The following MTBP variants were observed in gnomAD, a reference collection of about 807,000 sequenced individuals.
The protein encoded by MTBP is MDM2 binding protein, also known as mdm2-binding protein.
MTBP carries 101 observed loss-of-function variants against 117.0 expected under a neutral mutation model. The ratio of observed to expected loss-of-function variants is 0.86; its 90% CI spans 0.73 to 1.02. The LOEUF is 1.02. Among genes scored for constraint, MTBP ranks in the 50% least tolerant of loss-of-function variants. MTBP has a pLI of 0.00. For synonymous variants in MTBP, 350 were observed against 351.5 expected (o/e 1.00, Z 0.05); for missense variants, 970 against 1,030.9 (o/e 0.94, Z 0.81).
At chr8:120,520,918 AAAG>A (rs1217749969) in intron 20 of MTBP, among the ~76,000 whole-genome samples, 1 of 152,170 alleles carries the variant, frequency 6.6e-6, no homozygotes, top group Non-Finnish European at 1.5e-5. Context: ...AATATCTGAA[AAAG>A]AATTTATTTT....
At chr8:120,449,343 G>A (rs1297040798) in intron 2 of MTBP, among the ~76,000 whole-genome samples, 1 of 152,118 alleles carries the variant, frequency 6.6e-6, no homozygotes, top group Non-Finnish European at 1.5e-5. Context: ...GTTCAGTTTG[G>A]AACCTGTTAA....
intron 10 of MTBP, among the ~76,000 whole-genome samples, chr8:120,464,354 T>C (rs1389169889): frequency 6.6e-6 from 1 of 152,036 alleles, no homozygotes; most frequent in African/African-American, 2.4e-5. Context: ...AAATTCAGTT[T>C]CTAATAGGAA....
chr8:120,499,038 C>A (rs965507195), intron 14 of MTBP, among the ~76,000 whole-genome samples: 3 of 152,174 alleles, frequency 2.0e-5, no homozygotes, highest in Non-Finnish European at 2.9e-5. Flanking sequence ...ACACAATCTA[C>A]AGTCAGATTA....
Position 120,458,821 on chromosome 8 carries a change from A to T in MTBP, c.748-394A>T, listed in dbSNP as rs947685668. ...GCGCCACTGCACTCCAGCCTGGGCC[A>T]CAAGAGTGAAACTCCATCTCAAAGC... On this transcript the variant is annotated intron_variant, in intron 7 of 21. Coordinates refer to ENST00000305949, the MANE Select transcript of MTBP (RefSeq NM_022045.5). Among the ~76,000 whole-genome samples, 8 of 149,792 alleles carry T rather than the reference A, an allele frequency of 5.3e-5. 1 individual carries two copies. The highest frequency in any genetic ancestry group is 2.0e-4 in the African/African-American group (8 of 40,926).
chr8:120,459,885 C>T (rs181455759), intron 8 of MTBP, among the ~76,000 whole-genome samples: 69 of 152,138 alleles, frequency 4.5e-4, no homozygotes, highest in African/African-American at 1.6e-3. Context: ...AGTTCTTGCC[C>T]TGTATCTCCT....
At chr8:120,451,468 T>C in intron 4 of MTBP, 146 bp downstream of exon 4, 1 of 587,666 alleles carries the variant, frequency 1.7e-6, no homozygotes, top group South Asian at 2.8e-5. Flanking sequence ...ATTTGGGCCT[T>C]TTATTTGAAT....
chr8:120,474,778 T>A (rs994542934), intron 11 of MTBP, among the ~76,000 whole-genome samples: 1 of 151,976 alleles, frequency 6.6e-6, no homozygotes, highest in African/African-American at 2.4e-5. Flanking sequence ...TAGACTTGAG[T>A]CTTCCTCTAA....
intron 17 of MTBP, among the ~76,000 whole-genome samples, chr8:120,511,118 C>G (rs906508513): frequency 6.6e-6 from 1 of 152,062 alleles, no homozygotes; most frequent in South Asian, 2.1e-4. Context: ...ATATGCCACC[C>G]GATCCATGTT....
At chr8:120,473,946 A>C (rs1402166932) in intron 11 of MTBP, 1 of 152,002 alleles carries the variant, frequency 6.6e-6, no homozygotes. Context: ...TATTCTGGCA[A>C]CCCATTCATT....
intron 5 of MTBP, 72 bp downstream of exon 5, chr8:120,453,977 GTTCT>G: frequency 1.1e-6 from 1 of 897,676 alleles, no homozygotes; most frequent in Non-Finnish European, 1.7e-6. Flanking sequence ...TGATAAATTT[GTTCT>G]TTATGTTAGT....
At position 120,462,558 on chromosome 8, in the gene MTBP, T is replaced by G. The variant is rs535249970; in HGVS notation, c.978-1134T>G. On this transcript the variant is annotated intron_variant, in intron 9 of 21. Coordinates refer to ENST00000305949, the MANE Select transcript of MTBP (RefSeq NM_022045.5). ...TTTTTTATCCATTATACATTACTGT[T>G]GAGAACCATTTAGCCAGCATGCTAC... Among the ~76,000 whole-genome samples, 90 of 152,300 alleles carry G rather than the reference T, an allele frequency of 5.9e-4. 1 individual carries two copies. The highest frequency in any genetic ancestry group is 2.0e-3 in the African/African-American group (85 of 41,570).
At chr8:120,500,688 G>A (rs1235579012) in intron 14 of MTBP, among the ~76,000 whole-genome samples, 1 of 152,202 alleles carries the variant, frequency 6.6e-6, no homozygotes, top group Non-Finnish European at 1.5e-5. Flanking sequence ...ACTATTCAAG[G>A]TTAAATAGTT....
rs1426212268 is a variant in MTBP, at chr8:120,497,440, C to T, written c.1495C>T (p.Leu499Phe). 1 of 1,607,302 alleles carries T rather than the reference C, an allele frequency of 6.2e-7. No individual in the cohort carries two copies. The highest frequency in any genetic ancestry group is 8.5e-7 in the Non-Finnish European group (1 of 1,177,906). Residue 499 changes from leucine (L) to phenylalanine (F), a missense_variant, in exon 14 of 22, where the codon CTC becomes TTC. By Grantham distance (22) the Leu-to-Phe change is conservative. Coordinates refer to ENST00000305949, the MANE Select transcript of MTBP (RefSeq NM_022045.5). Reference sequence around the variant, plus strand: ...GCCTGAAACAGTTTCTGTTGCTGAACTCAAAAGTCTGTTAGTACTCACAAG... The same window carrying T: ...GCCTGAAACAGTTTCTGTTGCTGAATTCAAAAGTCTGTTAGTACTCACAAG... Reference protein sequence around the residue: ...KQPETVSVAELKSLLVLTRKH... With the variant: ...KQPETVSVAEFKSLLVLTRKH...
rs1265744305 is a variant in MTBP at position 120,451,332 on chromosome 8, T to C, written c.425+10T>C. On this transcript the variant is annotated intron_variant, in intron 4 of 21. Coordinates refer to ENST00000305949, the MANE Select transcript of MTBP (RefSeq NM_022045.5). Reference sequence around the variant, plus strand: ...CATTATCCTTGGCTGAGTATGCTTATATGGTTTTTGTATTATCATTAAAAT... The same window carrying C: ...CATTATCCTTGGCTGAGTATGCTTACATGGTTTTTGTATTATCATTAAAAT... 6.2e-7 allele frequency: 1 copy of C among 1,605,186 alleles called. No individual in the cohort carries two copies. Among genetic ancestry groups the C allele is most frequent in the Non-Finnish European group, 8.5e-7 (1 of 1,172,578 alleles).
chr8:120,496,706 A>C (rs1586962984), intron 13 of MTBP, among the ~76,000 whole-genome samples: 2 of 97,214 alleles, frequency 2.1e-5, no homozygotes, highest in Non-Finnish European at 5.5e-5. Flanking sequence ...GATGTTCCAT[A>C]CAAAAAAAAA....
chr8:120,495,732 A>G (rs1814440186), intron 13 of MTBP, among the ~76,000 whole-genome samples: 1 of 151,740 alleles, frequency 6.6e-6, no homozygotes, highest in South Asian at 2.1e-4. Flanking sequence ...CGTGTGCTTA[A>G]TTTTAGAGTC....
intron 10 of MTBP, among the ~76,000 whole-genome samples, chr8:120,469,000 C>G (rs916623669): frequency 6.6e-6 from 1 of 152,024 alleles, no homozygotes; most frequent in Admixed American, 6.6e-5. Flanking sequence ...TTTTGCTCAG[C>G]TTATGAGGCA....
intron 20 of MTBP, among the ~76,000 whole-genome samples, chr8:120,519,141 G>T (rs1345100333): frequency 6.0e-5 from 9 of 149,398 alleles, no homozygotes; most frequent in Admixed American, 5.4e-4. Context: ...ATATCCATGG[G>T]TTCTGCATCC....
chr8:120,445,551 A>G lies in MTBP; in HGVS notation c.81A>G (p.Pro27=). The G allele has an allele frequency of 6.2e-7, 1 of 1,613,292 alleles. No individual in the cohort carries two copies. The highest frequency in any genetic ancestry group is 1.7e-5 in the Admixed American group (1 of 59,774). The change falls in exon 1 of 22, where the codon CCA becomes CCG. Residue 27 remains proline, a synonymous_variant. Coordinates refer to ENST00000305949, the MANE Select transcript of MTBP (RefSeq NM_022045.5). ...CCAGTAGGGAGGCAGAACATGGGCC[A>G]GAGGTGTCGTCGGGTGAGGGTACTG... ...SAASREAEHG[P]EVSSGEGTEN...
Sources: gnomAD v4.1 joint callset for allele counts (sites outside exome capture counted in the v4.1 genomes callset) on GRCh38, gnomAD v4.1.1 for gene constraint, MANE v1.5 for transcripts, NCBI Gene and HGNC (gene_info 2026-07-23, HGNC 2026-07-21) for gene names.